The following XPNPEP3 variants were observed in gnomAD, a reference collection of about 807,000 sequenced individuals.
XPNPEP3 encodes the protein X-prolyl aminopeptidase 3.
Under a neutral mutation model 60.0 loss-of-function variants are expected in XPNPEP3, and 41 were observed. That is an observed-to-expected ratio of 0.68 (90% CI 0.53 to 0.89). The LOEUF (loss-of-function observed/expected upper bound fraction) is 0.89. Among genes scored for constraint, XPNPEP3 ranks in the 40% least tolerant of loss-of-function variants. XPNPEP3 has a pLI of 0.00. For missense variants in XPNPEP3, 598 were observed against 638.9 expected (o/e 0.94, Z 0.69); for synonymous variants, 212 against 223.2 (o/e 0.95, Z 0.45).
chr22:40,900,827 C>T (rs2058129234), intron 4 of XPNPEP3, among the ~76,000 whole-genome samples: 1 of 151,702 alleles, frequency 6.6e-6, no homozygotes, highest in African/African-American at 2.4e-5. Context: ...CAGCTACTCA[C>T]GAGGCTGAGG....
In XPNPEP3 at chr22:40,909,135, G is replaced by A. The variant is rs1176941671; in HGVS notation, c.869G>A (p.Cys290Tyr). Residue 290 changes from cysteine (C) to tyrosine (Y), a missense_variant, in exon 6 of 10, where the codon TGC (cysteine) becomes TAC (tyrosine). By Grantham distance (194) the Cys-to-Tyr change is radical (BLOSUM62 -2). Transcript: ENST00000357137. ...AFLYAKFEFE[C>Y]RARGADILAY... Reference sequence around the variant, plus strand: ...TGTTTTTCACAGTTTGAATTTGAATGCCGGGCTCGTGGCGCAGACATTTTA... The same window carrying A: ...TGTTTTTCACAGTTTGAATTTGAATACCGGGCTCGTGGCGCAGACATTTTA... 6.2e-7 allele frequency: 1 copy of A among 1,614,190 alleles called. No individual in the cohort carries two copies. The highest frequency in any genetic ancestry group is 1.1e-5 in the South Asian group (1 of 91,086).
chr22:40,876,388 T>C (rs2058027855), intron 2 of XPNPEP3, among the ~76,000 whole-genome samples: 1 of 152,274 alleles, frequency 6.6e-6, no homozygotes, highest in South Asian at 2.1e-4. Context: ...TTATAGCTAA[T>C]ACTTATGTAG....
At chr22:40,861,790 C>T (rs773422007) in intron 1 of XPNPEP3, 4 of 1,613,426 alleles carry the variant, frequency 2.5e-6, no homozygotes, top group Non-Finnish European at 3.4e-6. Flanking sequence ...CCTTCTGTGC[C>T]ATATTTATCA....
intron 4 of XPNPEP3, among the ~76,000 whole-genome samples, chr22:40,896,616 C>T (rs974762196): frequency 6.6e-6 from 1 of 150,472 alleles, no homozygotes; most frequent in Non-Finnish European, 1.5e-5. Flanking sequence ...ACTAGGCAAC[C>T]GAGAGAGACT....
chr22:40,923,017 A>G (rs1396062686), intron 8 of XPNPEP3, among the ~76,000 whole-genome samples: 2 of 152,162 alleles, frequency 1.3e-5, no homozygotes, highest in Non-Finnish European at 2.9e-5. Flanking sequence ...AATGAGGAGA[A>G]GCCTGGGAAA....
In XPNPEP3 at chr22:40,922,514, G is replaced by T. The variant is rs770065955; in HGVS notation, c.1236+1G>T. The T allele has an allele frequency of 1.9e-6, 3 of 1,613,652 alleles. No homozygotes were observed. The African/African-American group carries it at 4.0e-5, about 22-fold the overall frequency. ...CATTAAGGAAAATAATGCCTTCAAGGTACTTCACTTCTCTTGACCCCAGTT... is the reference window on the plus strand; with the variant it reads ...CATTAAGGAAAATAATGCCTTCAAGTTACTTCACTTCTCTTGACCCCAGTT... On this transcript the variant is annotated splice_donor_variant, in intron 8 of 9. Transcript: ENST00000357137. LOFTEE classifies it high-confidence loss of function.
At chr22:40,860,654 TC>T in intron 1 of XPNPEP3, 3 of 1,300,008 alleles carry the variant, frequency 2.3e-6, no homozygotes, top group South Asian at 1.5e-5. Flanking sequence ...TTTTCCAAAT[TC>T]CTTTTTTTTT....
chr22:40,869,682 T>C (rs2057995830), intron 2 of XPNPEP3, among the ~76,000 whole-genome samples: 1 of 151,854 alleles, frequency 6.6e-6, no homozygotes, highest in East Asian at 1.9e-4. Context: ...GTTTTACTAA[T>C]TTTTTTTTCT....
At chr22:40,906,863 A>G (rs917045867) in intron 4 of XPNPEP3, among the ~76,000 whole-genome samples, 6 of 152,204 alleles carry the variant, frequency 3.9e-5, no homozygotes, top group African/African-American at 1.4e-4. Flanking sequence ...CAGCAGATTC[A>G]GTGTCTGGTG....
At position 40,862,677 on chromosome 22, in the gene XPNPEP3, G is replaced by A. The variant is rs953580551; in HGVS notation, c.64+5432G>A. 18 of 985,340 alleles carry A rather than the reference G, an allele frequency of 1.8e-5. No individual in the cohort carries two copies. In the African/African-American group the frequency reaches 2.8e-4, roughly 15 times the overall value. The allele number at this position is 985,340 out of a possible 1,614,324, so 61.0% of individuals were successfully genotyped here. Reference sequence around the variant, plus strand: ...TGATATGTTAACTTTCTGCATGCCAGTGGTAAGTCATTTGAGATTATAGTA... The same window carrying A: ...TGATATGTTAACTTTCTGCATGCCAATGGTAAGTCATTTGAGATTATAGTA... On this transcript the variant is annotated intron_variant, in intron 1 of 9. Coordinates refer to ENST00000357137, the MANE Select transcript of XPNPEP3 (RefSeq NM_022098.4).
chr22:40,858,583 G>A (rs911997548), intron 1 of XPNPEP3, among the ~76,000 whole-genome samples: 12 of 139,070 alleles, frequency 8.6e-5, no homozygotes, highest in African/African-American at 1.7e-4. Flanking sequence ...AGGCTGGAGT[G>A]CAGTGGCGCG....
intron 3 of XPNPEP3, among the ~76,000 whole-genome samples, 188 bp downstream of exon 3, chr22:40,882,365 A>C (rs2058051668): frequency 1.3e-5 from 2 of 152,086 alleles, no homozygotes; most frequent in Non-Finnish European, 2.9e-5. Context: ...TGCCTGGTGC[A>C]TTGGCTCACG....
intron 2 of XPNPEP3, among the ~76,000 whole-genome samples, chr22:40,869,476 G>T (rs4289291): frequency 2.0e-5 from 3 of 152,138 alleles, no homozygotes; most frequent in African/African-American, 7.2e-5. Flanking sequence ...TCAGCTTTTA[G>T]AATTGTATAC....
At chr22:40,926,069 A>T (rs910596317) in intron 9 of XPNPEP3, among the ~76,000 whole-genome samples, 200 bp from the exon 10 acceptor site, 2 of 152,180 alleles carry the variant, frequency 1.3e-5, no homozygotes, top group Admixed American at 1.3e-4. Flanking sequence ...TTTAGTAATG[A>T]TACCAACATG....
rs2058256489 is a variant in XPNPEP3 at position 40,932,037 on chromosome 22, A to G, written c.*5602A>G. The stretch of plus-strand genomic sequence containing the variant: ...CAGCTTTGTTAATAATACAGAGATC[A>G]GAAATGTGAAGCACAAATGCTGCTT... On this transcript the variant is annotated 3_prime_UTR_variant, in exon 10 of 10. Transcript: ENST00000357137. 6.6e-6 allele frequency: 1 copy of G among 152,226 alleles called. No homozygotes were observed. The highest frequency in any genetic ancestry group is 1.5e-5 in the Non-Finnish European group (1 of 68,046). The allele number at this position is 152,226 out of a possible 1,614,324, so 9.4% of individuals were successfully genotyped here. A position where few individuals can be genotyped will look rare whatever the true frequency, so the allele number is the denominator to read the frequency against.
At chr22:40,877,035 A>G (rs2058030092) in intron 2 of XPNPEP3, among the ~76,000 whole-genome samples, 1 of 152,182 alleles carries the variant, frequency 6.6e-6, no homozygotes, top group South Asian at 2.1e-4. Context: ...CTCCACCTTC[A>G]TAGGCAGCCA....
intron 3 of XPNPEP3, among the ~76,000 whole-genome samples, chr22:40,885,069 C>T (rs574253300): frequency 3.3e-5 from 5 of 151,798 alleles, no homozygotes; most frequent in Non-Finnish European, 5.9e-5. Flanking sequence ...TTCCATCTAT[C>T]GTAAGTAGGA....
At chr22:40,906,586 A>G (rs2058156512) in intron 4 of XPNPEP3, among the ~76,000 whole-genome samples, 1 of 152,206 alleles carries the variant, frequency 6.6e-6, no homozygotes, top group African/African-American at 2.4e-5. Flanking sequence ...CTGGCATCCT[A>G]CATTGAACAG....
At position 40,926,713 on chromosome 22, in the gene XPNPEP3, A is replaced by G; in HGVS notation, c.*278A>G. The stretch of plus-strand genomic sequence containing the variant: ...AGAGCAAGTTTAATTTTTAAACATA[A>G]AGGTCTTGGTTACACATGTCCATGC... On this transcript the variant is annotated 3_prime_UTR_variant, in exon 10 of 10. Transcript: ENST00000357137. The G allele has an allele frequency of 2.2e-6, 1 of 464,594 alleles. No individual in the cohort carries two copies. Among genetic ancestry groups the G allele is most frequent in the Non-Finnish European group, 4.0e-6 (1 of 252,892 alleles). The allele number at this position is 464,594 out of a possible 1,614,324, so 28.8% of individuals were successfully genotyped here. A position where few individuals can be genotyped will look rare whatever the true frequency, so the allele number is the denominator to read the frequency against.
Sources: gnomAD v4.1 joint callset for allele counts (sites outside exome capture counted in the v4.1 genomes callset) on GRCh38, gnomAD v4.1.1 for gene constraint, MANE v1.5 for transcripts, NCBI Gene and HGNC (gene_info 2026-07-23, HGNC 2026-07-21) for gene names.